The following ERN1 variants were observed in gnomAD, a reference collection of about 807,000 sequenced individuals.
ERN1 encodes serine/threonine-protein kinase/endoribonuclease IRE1.
In ERN1, 39 loss-of-function variants were observed where a neutral mutation model predicts 113.1. The observed-to-expected ratio is 0.34, with a 90% CI of 0.27 to 0.45. ERN1 has a LOEUF of 0.45. ERN1 is among the 20% of genes least tolerant of loss of function. The pLI is 1.00. For missense variants in ERN1, 976 were observed against 1,274.8 expected (o/e 0.77, Z 3.57); for synonymous variants, 507 against 515.9 (o/e 0.98, Z 0.23).
At chr17:64,113,703 A>G (rs183673293) in intron 1 of ERN1, among the ~76,000 whole-genome samples, 57 of 151,674 alleles carry the variant, frequency 3.8e-4, no homozygotes, top group African/African-American at 9.9e-4. Flanking sequence ...TTTGTTTTGG[A>G]GACAGAGTCT....
At position 64,055,860 on chromosome 17, in the gene ERN1, AGCT is replaced by A. The variant is rs541102253; in HGVS notation, c.1484_1486del (p.Gln495del). On this transcript the variant is annotated inframe_deletion, in exon 13 of 22. Coordinates refer to ENST00000433197, the MANE Select transcript of ERN1 (RefSeq NM_001433.5). Reference sequence around the variant, plus strand: ...CGTGTCTCCAGGTGGGTGGAAGGGCAGCTGCTGCTGCTGCTGCTGCAGGAGCTG... The same window carrying A: ...CGTGTCTCCAGGTGGGTGGAAGGGCAGCTGCTGCTGCTGCTGCAGGAGCTG... 105 of 1,543,738 alleles carry A rather than the reference AGCT, an allele frequency of 6.8e-5. No homozygotes were observed. Among genetic ancestry groups the A allele is most frequent in the Admixed American group, 2.6e-4 (13 of 50,566 alleles).
At position 64,078,202 on chromosome 17, in the gene ERN1, T is replaced by C. The variant is rs532073962; in HGVS notation, c.282+1460A>G. 9.8e-5 allele frequency among the ~76,000 whole-genome samples: 15 copies of C among 152,368 alleles called. No individual in the cohort carries two copies. The East Asian group carries it at 2.9e-3, about 29-fold the overall frequency. On this transcript the variant is annotated intron_variant, in intron 4 of 21. Coordinates refer to ENST00000433197, the MANE Select transcript of ERN1 (RefSeq NM_001433.5). ...ACATCACCAACATGTTTTCTTTTTC[T>C]ACTTTCCTTGTTTTGGCCATTCTGG...
intron 2 of ERN1, among the ~76,000 whole-genome samples, chr17:64,085,469 C>G (rs111425817): frequency 2.0e-5 from 3 of 152,096 alleles, no homozygotes; most frequent in Admixed American, 1.3e-4. Flanking sequence ...ATGAGGACAG[C>G]GCCAAGCCAT....
Position 64,064,091 on chromosome 17 carries a change from C to T in ERN1, c.982G>A (p.Asp328Asn). 6.2e-7 allele frequency: 1 copy of T among 1,612,892 alleles called. No individual in the cohort carries two copies. The highest frequency in any genetic ancestry group is 1.1e-5 in the South Asian group (1 of 90,902). ...GPQTDGVTIG[D>N]KGECVITPST... Reference sequence around the variant, plus strand: ...GGCGTGATCACACACTCCCCCTTGTCCCCAATGGTGACGCCATCAGTCTGG... The same window carrying T: ...GGCGTGATCACACACTCCCCCTTGTTCCCAATGGTGACGCCATCAGTCTGG... The change falls in exon 10 of 22, where the codon GAC (aspartate) becomes AAC (asparagine). Residue 328 changes from aspartate (D) to asparagine (N), a missense_variant. Around this residue, in one of 5 missense-constraint regions of ERN1, gnomAD observed 459 missense variants for 581.2 expected, o/e 0.79. Coordinates refer to ENST00000433197, the MANE Select transcript of ERN1 (RefSeq NM_001433.5).
chr17:64,072,112 A>T lies in ERN1; in HGVS notation c.356-9T>A. ...GATGTCCTGCTTTTTACCTGAAAGG[A>T]CACAAAAACACATCGTCGTTTACAC... On this transcript the variant is annotated splice_polypyrimidine_tract_variant and intron_variant, in intron 5 of 21. Transcript: ENST00000433197. 2 of 1,612,944 alleles carry T rather than the reference A, an allele frequency of 1.2e-6. No individual in the cohort carries two copies. Among genetic ancestry groups the T allele is most frequent in the Non-Finnish European group, 1.7e-6 (2 of 1,179,540 alleles).
At chr17:64,055,168 A>C (rs1026098390) in intron 13 of ERN1, among the ~76,000 whole-genome samples, 82 of 152,392 alleles carry the variant, frequency 5.4e-4, no homozygotes, top group African/African-American at 1.9e-3. Flanking sequence ...AACAACCACC[A>C]CAAAGTCCAC....
intron 1 of ERN1, among the ~76,000 whole-genome samples, chr17:64,113,210 T>C (rs1914718740): frequency 1.3e-5 from 2 of 152,238 alleles, no homozygotes; most frequent in Admixed American, 1.3e-4. Flanking sequence ...AATAATGAGA[T>C]AGACTTTCAT....
chr17:64,050,178 T>C (rs1247870617), intron 17 of ERN1, among the ~76,000 whole-genome samples: 1 of 152,172 alleles, frequency 6.6e-6, no homozygotes, highest in Admixed American at 6.5e-5. Flanking sequence ...AAACCTACCA[T>C]GCTTTATTCT....
Position 64,076,744 on chromosome 17 carries a change from C to T in ERN1, c.283-1497G>A, listed in dbSNP as rs540395954. On this transcript the variant is annotated intron_variant, in intron 4 of 21. Transcript: ENST00000433197. Reference sequence around the variant, plus strand: ...CCTCCCAAGTAGCTGGGACTACAGGCGCCCGCCACTGCGCCTGGCTAATTT... The same window carrying T: ...CCTCCCAAGTAGCTGGGACTACAGGTGCCCGCCACTGCGCCTGGCTAATTT... Among the ~76,000 whole-genome samples, 217 of 152,188 alleles carry T rather than the reference C, an allele frequency of 1.4e-3. 3 individuals carry two copies. The highest frequency in any genetic ancestry group is 4.6e-3 in the African/African-American group (192 of 41,546).
At chr17:64,117,674 G>A (rs377615519) in intron 1 of ERN1, among the ~76,000 whole-genome samples, 16 of 152,132 alleles carry the variant, frequency 1.1e-4, no homozygotes, top group African/African-American at 3.6e-4. Flanking sequence ...AAGGGATCTA[G>A]TCTACGAGAG....
In ERN1 at chr17:64,072,120, A is replaced by C. The variant is rs780571221; in HGVS notation, c.356-17T>G. On this transcript the variant is annotated splice_polypyrimidine_tract_variant and intron_variant, in intron 5 of 21. Coordinates refer to ENST00000433197, the MANE Select transcript of ERN1 (RefSeq NM_001433.5). ...GCTTTTTACCTGAAAGGACACAAAAACACATCGTCGTTTACACCATATGGA... is the reference window on the plus strand; with the variant it reads ...GCTTTTTACCTGAAAGGACACAAAACCACATCGTCGTTTACACCATATGGA... 2.5e-6 allele frequency: 4 copies of C among 1,612,458 alleles called. No homozygotes were observed. In the South Asian group the frequency reaches 4.4e-5, roughly 18 times the overall value.
chr17:64,112,090 G>A (rs1251363587), intron 1 of ERN1, among the ~76,000 whole-genome samples: 2 of 152,268 alleles, frequency 1.3e-5, no homozygotes, highest in Non-Finnish European at 1.5e-5. Flanking sequence ...AGCAGTGGCC[G>A]GGAGCAGTGG....
At position 64,052,900 on chromosome 17, in the gene ERN1, G is replaced by A. The variant is rs775944658; in HGVS notation, c.2133C>T (p.Asp711=). The A allele has an allele frequency of 2.2e-5, 35 of 1,613,848 alleles. No individual in the cohort carries two copies. The highest frequency in any genetic ancestry group is 5.0e-5 in the Admixed American group (3 of 60,006). ...CTGCCAGCTTCTTGCAGAGGCCAAAGTCGGAGATCATGGCCTTGATCTTGC... is the reference window on the plus strand; with the variant it reads ...CTGCCAGCTTCTTGCAGAGGCCAAAATCGGAGATCATGGCCTTGATCTTGC... ...AHGKIKAMIS[D]FGLCKKLAVG... is the part of the protein sequence containing the mutation. Residue 711 remains aspartate (D), a synonymous_variant, in exon 17 of 22, where the codon GAC becomes GAT. Coordinates refer to ENST00000433197, the MANE Select transcript of ERN1 (RefSeq NM_001433.5).
Position 64,055,848 on chromosome 17 carries a change from G to A in ERN1, c.1499C>T (p.Pro500Leu), listed in dbSNP as rs1489349672. 1.9e-6 allele frequency: 3 copies of A among 1,554,060 alleles called. No homozygotes were observed. Among genetic ancestry groups the A allele is most frequent in the Admixed American group, 2.0e-5 (1 of 51,156 alleles). ...GCCGTCCTGAGCCGTGTCTCCAGGTGGGTGGAAGGGCAGCTGCTGCTGCTG... is the reference window on the plus strand; with the variant it reads ...GCCGTCCTGAGCCGTGTCTCCAGGTAGGTGGAAGGGCAGCTGCTGCTGCTG... ...QQQQQQLPFH[P>L]PGDTAQDGEL... Residue 500 changes from proline (P) to leucine (L), a missense_variant, in exon 13 of 22, where the codon CCA (proline) becomes CTA (leucine). Pro to Leu is a moderately conservative substitution (Grantham distance 98). Transcript: ENST00000433197.
intron 2 of ERN1, among the ~76,000 whole-genome samples, chr17:64,092,350 T>G (rs935956947): frequency 6.6e-6 from 1 of 152,126 alleles, no homozygotes; most frequent in Non-Finnish European, 1.5e-5. Context: ...AAGAGGCACA[T>G]GTTTAGAAAG....
At chr17:64,062,349 A>G (rs896156565) in intron 10 of ERN1, among the ~76,000 whole-genome samples, 15 of 152,378 alleles carry the variant, frequency 9.8e-5, no homozygotes, top group African/African-American at 3.1e-4. Flanking sequence ...TGCTTTCCAC[A>G]AAGAGAAAAT....
chr17:64,082,212 T>G (rs1226205677), intron 2 of ERN1, among the ~76,000 whole-genome samples: 1 of 152,210 alleles, frequency 6.6e-6, no homozygotes, highest in Non-Finnish European at 1.5e-5. Context: ...ACACACCATA[T>G]GCGGTCTGTG....
In ERN1 at chr17:64,054,703, G is replaced by C. The variant is rs755390340; in HGVS notation, c.1763+35C>G. Reference sequence around the variant, plus strand: ...CAACCTGACAGGCACTTAGACACCAGGCGGTGAGGGCAGGGGGCTGGCTAA... The same window carrying C: ...CAACCTGACAGGCACTTAGACACCACGCGGTGAGGGCAGGGGGCTGGCTAA... On this transcript the variant is annotated intron_variant, in intron 14 of 21. Coordinates refer to ENST00000433197, the MANE Select transcript of ERN1 (RefSeq NM_001433.5). The surrounding 1 kb of genome is among the most constrained non-coding windows in gnomAD (Gnocchi z 4.9). 1.3e-6 allele frequency: 2 copies of C among 1,515,220 alleles called. No individual in the cohort carries two copies. Among genetic ancestry groups the C allele is most frequent in the African/African-American group, 2.8e-5 (2 of 72,650 alleles). The allele number at this position is 1,515,220 out of a possible 1,614,324, so 93.9% of individuals were successfully genotyped here. A position where few individuals can be genotyped will look rare whatever the true frequency, so the allele number is the denominator to read the frequency against.
chr17:64,054,573 C>A lies in ERN1; in HGVS notation c.1764-134G>T. The A allele has an allele frequency of 9.6e-7, 1 of 1,041,980 alleles. No homozygotes were observed. The highest frequency in any genetic ancestry group is 1.4e-6 in the Non-Finnish European group (1 of 719,018). The allele number at this position is 1,041,980 out of a possible 1,614,324, so 64.5% of individuals were successfully genotyped here. ...GCCCCGCCTGACTGCCTGGTGGCCCCGGAATCATCGCTTGTCTCAGTGTGC... is the reference window on the plus strand; with the variant it reads ...GCCCCGCCTGACTGCCTGGTGGCCCAGGAATCATCGCTTGTCTCAGTGTGC... On this transcript the variant is annotated intron_variant, in intron 14 of 21. Coordinates refer to ENST00000433197, the MANE Select transcript of ERN1 (RefSeq NM_001433.5). The surrounding 1 kb of genome is among the most constrained non-coding windows in gnomAD (Gnocchi z 4.9).
Sources: gnomAD v4.1 joint callset for allele counts (sites outside exome capture counted in the v4.1 genomes callset) on GRCh38, gnomAD v4.1.1 for gene constraint, gnomAD v4.1.1 regional missense constraint, Gnocchi (gnomAD v3.1) non-coding constraint, MANE v1.5 for transcripts, NCBI Gene and HGNC (gene_info 2026-07-23, HGNC 2026-07-21) for gene names.